ABLIM1: variants seen among roughly 807,000 people sequenced by gnomAD.
ABLIM1 encodes actin binding LIM protein 1.
A neutral mutation model predicts 107.0 loss-of-function variants in ABLIM1; 40 were observed. That is an observed-to-expected ratio of 0.37 (90% CI 0.29 to 0.49). ABLIM1 has a LOEUF of 0.49. ABLIM1 is among the 20% of genes least tolerant of loss of function. The pLI is 0.97. For synonymous variants in ABLIM1, 357 were observed against 357.3 expected, an observed-to-expected ratio of 1.00 and a Z score of 0.01; for missense variants, 857 against 1,008.5, an observed-to-expected ratio of 0.85 and a Z score of 2.04.
chr10:114,478,843 T>C (rs2056889826), intron 8 of ABLIM1, among the ~76,000 whole-genome samples: 1 of 152,224 alleles, frequency 6.6e-6, no homozygotes, highest in Non-Finnish European at 1.5e-5. Context: ...TATGGTAAAA[T>C]TTACTTCCAT....
intron 1 of ABLIM1, among the ~76,000 whole-genome samples, chr10:114,603,509 C>G (rs965241718): frequency 1.3e-5 from 2 of 151,966 alleles, no homozygotes; most frequent in African/African-American, 4.8e-5. Context: ...TCTTGAAAAC[C>G]TGTATTTACA....
intron 1 of ABLIM1, among the ~76,000 whole-genome samples, chr10:114,714,963 G>C (rs1273161469): frequency 6.6e-6 from 1 of 152,076 alleles, no homozygotes; most frequent in African/African-American, 2.4e-5. Context: ...GAAGGCAAGA[G>C]TGACTCCAAT....
At chr10:114,635,410 C>G (rs753378013) in intron 1 of ABLIM1, among the ~76,000 whole-genome samples, 7 of 152,254 alleles carry the variant, frequency 4.6e-5, no homozygotes, top group Non-Finnish European at 8.8e-5. Context: ...TTCTCCTCTA[C>G]AGAGCCATGG....
chr10:114,760,122 G>C (rs1241657758), intron 1 of ABLIM1, among the ~76,000 whole-genome samples: 1 of 151,448 alleles, frequency 6.6e-6, no homozygotes, highest in Non-Finnish European at 1.5e-5. Context: ...GGAATAGACA[G>C]GATTTGAAAT....
chr10:114,521,512 T>C (rs1353662972), intron 6 of ABLIM1, among the ~76,000 whole-genome samples: 10 of 152,130 alleles, frequency 6.6e-5, no homozygotes. Context: ...CTGGATAAGA[T>C]GGTTAGTGTA....
At position 114,437,862 on chromosome 10, in the gene ABLIM1, C is replaced by T; in HGVS notation, c.2205G>A (p.Val735=). The change falls in exon 22 of 23, where the codon GTG becomes GTA. Residue 735 remains valine (V), a synonymous_variant. Coordinates refer to ENST00000533213, the MANE Select transcript of ABLIM1 (RefSeq NM_002313.7). The part of the protein sequence containing the change: ...NRGRNKILRE[V]DRTRLERHLA... The stretch of plus-strand genomic sequence containing the variant: ...GTTTTACCTCCAGCCTGGTTCTGTC[C>T]ACCTCTCTGAGGATTTTGTTTCGCC... 6.2e-7 allele frequency: 1 copy of T among 1,614,032 alleles called. No individual in the cohort carries two copies. Among genetic ancestry groups the T allele is most frequent in the Non-Finnish European group, 8.5e-7 (1 of 1,180,014 alleles).
At chr10:114,729,413 C>A (rs1443587370) in intron 1 of ABLIM1, among the ~76,000 whole-genome samples, 1 of 152,114 alleles carries the variant, frequency 6.6e-6, no homozygotes, top group Non-Finnish European at 1.5e-5. Flanking sequence ...GGCTTCTGGT[C>A]TCTCATGACC....
chr10:114,596,497 C>A lies in ABLIM1; in HGVS notation c.379+5330G>T, dbSNP rs2075427783. On this transcript the variant is annotated intron_variant, in intron 2 of 22. Transcript: ENST00000533213. ...CTCAGGAGTTTGAGACCAGCCTGGG[C>A]AACACAGCGAGACCCCCCATCACAA... Among the ~76,000 whole-genome samples the A allele has an allele frequency of 2.6e-5, 4 of 152,138 alleles. No individual in the cohort carries two copies. The South Asian group carries it at 8.3e-4, about 32-fold the overall frequency.
intron 1 of ABLIM1, among the ~76,000 whole-genome samples, chr10:114,616,213 A>G (rs570939911): frequency 6.6e-6 from 1 of 152,296 alleles, no homozygotes; most frequent in South Asian, 2.1e-4. Flanking sequence ...AAATATGCTT[A>G]TAATGCATGA....
At chr10:114,491,413 G>A (rs1000720528) in intron 7 of ABLIM1, among the ~76,000 whole-genome samples, 1 of 152,108 alleles carries the variant, frequency 6.6e-6, no homozygotes, top group Admixed American at 6.5e-5. Context: ...CATCAAATAA[G>A]TAACATTTCT....
At position 114,540,953 on chromosome 10, in the gene ABLIM1, A is replaced by G. The variant is rs527619752; in HGVS notation, c.894+4052T>C. On this transcript the variant is annotated intron_variant, in intron 6 of 22. Coordinates refer to ENST00000533213, the MANE Select transcript of ABLIM1 (RefSeq NM_002313.7). ...GAGAAGAGTCTTTGCAGATGTAATT[A>G]AGCAAAGGATCTTGAGATGGTGAGG... Among the ~76,000 whole-genome samples the G allele has an allele frequency of 2.6e-5, 4 of 152,296 alleles. No individual in the cohort carries two copies. The South Asian group carries it at 8.3e-4, about 32-fold the overall frequency.
intron 6 of ABLIM1, among the ~76,000 whole-genome samples, chr10:114,529,797 C>T (rs1479238741): frequency 5.3e-5 from 8 of 152,076 alleles, no homozygotes; most frequent in African/African-American, 1.4e-4. Flanking sequence ...GAGGCTGAGG[C>T]GGGTGGATCA....
intron 1 of ABLIM1, among the ~76,000 whole-genome samples, chr10:114,697,815 C>T (rs915330552): frequency 6.6e-6 from 1 of 152,172 alleles, no homozygotes; most frequent in Non-Finnish European, 1.5e-5. Flanking sequence ...AAAATTATAT[C>T]ATCTTCCTTA....
intron 1 of ABLIM1, among the ~76,000 whole-genome samples, chr10:114,729,480 G>C (rs1328231365): frequency 6.6e-6 from 1 of 152,114 alleles, no homozygotes; most frequent in African/African-American, 2.4e-5. Context: ...GAAGTAATTT[G>C]CACAGTCCAA....
At chr10:114,653,963 A>G (rs528255480) in intron 1 of ABLIM1, among the ~76,000 whole-genome samples, 1 of 152,376 alleles carries the variant, frequency 6.6e-6, no homozygotes, top group East Asian at 1.9e-4. Flanking sequence ...CATGGAGTCC[A>G]GCACAACTCA....
At chr10:114,686,235 G>A (rs2080931613), upstream of ABLIM1, among the ~76,000 whole-genome samples, 2 of 152,156 alleles carry the variant, frequency 1.3e-5, no homozygotes, top group South Asian at 4.1e-4. Flanking sequence ...CTGGCCAGGT[G>A]TGGTGACTCA....
rs112239406 is a variant in ABLIM1 at position 114,673,310 on chromosome 10, C to T, written c.64+10980G>A. Among the ~76,000 whole-genome samples the T allele has an allele frequency of 4.7e-3, 720 of 151,750 alleles. 8 individuals are homozygous for T. The highest frequency in any genetic ancestry group is 0.016 in the African/African-American group (677 of 41,422). On this transcript the variant is annotated intron_variant, in intron 1 of 23. Coordinates refer to the ABLIM1 transcript ENST00000369256. Reference sequence around the variant, plus strand: ...AACTCTTTCCACCAACACCACACTGCCATTCAAGTTTACTTGTAATCATTT... The same window carrying T: ...AACTCTTTCCACCAACACCACACTGTCATTCAAGTTTACTTGTAATCATTT...
At chr10:114,536,517 G>A (rs1478303574) in intron 6 of ABLIM1, among the ~76,000 whole-genome samples, 1 of 151,876 alleles carries the variant, frequency 6.6e-6, no homozygotes, top group African/African-American at 2.4e-5. Flanking sequence ...CAAAGTGCTG[G>A]GATTACAGGC....
chr10:114,450,077 A>C (rs887652140), intron 14 of ABLIM1: 1 of 394,560 alleles, frequency 2.5e-6, no homozygotes, highest in Admixed American at 3.7e-5. Flanking sequence ...TAAGTTGACA[A>C]ATCAAATGCT....
Sources: allele counts gnomAD v4.1 joint callset (sites outside exome capture counted in the v4.1 genomes callset), GRCh38; gene constraint gnomAD v4.1.1; transcripts MANE v1.5; gene names NCBI Gene and HGNC (gene_info 2026-07-23, HGNC 2026-07-21).